The following TMPRSS15 variants were observed in gnomAD, a reference collection of about 807,000 sequenced individuals.
TMPRSS15 encodes transmembrane serine protease 15.
Under a neutral mutation model 125.3 loss-of-function variants are expected in TMPRSS15, and 128 were observed. The observed-to-expected ratio is 1.02, with a 90% CI of 0.89 to 1.18. TMPRSS15 has a LOEUF of 1.18. TMPRSS15 is among the 50% of genes most tolerant of loss of function. TMPRSS15 has a pLI of 0.00. For missense variants in TMPRSS15, 1,283 were observed against 1,212.7 expected (o/e 1.06, Z -0.86); for synonymous variants, 446 against 423.2 (o/e 1.05, Z -0.66).
intron 18 of TMPRSS15, among the ~76,000 whole-genome samples, chr21:18,299,470 A>G (rs762168857): frequency 4.6e-5 from 7 of 152,230 alleles, no homozygotes; most frequent in Non-Finnish European, 8.8e-5. Context: ...AAGGGATGCC[A>G]TTTCAAATTA....
chr21:18,384,387 A>C (rs1275305598), intron 3 of TMPRSS15, among the ~76,000 whole-genome samples: 1 of 152,170 alleles, frequency 6.6e-6, no homozygotes, highest in African/African-American at 2.4e-5. Flanking sequence ...CAAGAAATTC[A>C]ATCTCAGGTC....
At chr21:18,301,919 G>A (rs1185961070) in intron 18 of TMPRSS15, among the ~76,000 whole-genome samples, 16 of 152,162 alleles carry the variant, frequency 1.1e-4, no homozygotes, top group African/African-American at 1.4e-4. Flanking sequence ...CATAGATGGC[G>A]TATAAAAATA....
chr21:18,437,012 G>A (rs1322387135), intron 1 of TMPRSS15, among the ~76,000 whole-genome samples: 1,452 of 121,624 alleles, frequency 0.012, 7 homozygotes, highest in East Asian at 0.022. Context: ...AGCCCGCATC[G>A]CCAAGTCAAT....
At chr21:18,362,826 G>T (rs1466916343) in intron 7 of TMPRSS15, among the ~76,000 whole-genome samples, 1 of 152,022 alleles carries the variant, frequency 6.6e-6, no homozygotes, top group Non-Finnish European at 1.5e-5. Flanking sequence ...CAGAAATTTG[G>T]AGTCAAAGAG....
chr21:18,368,275 T>C (rs901811161), intron 6 of TMPRSS15, among the ~76,000 whole-genome samples: 1 of 152,116 alleles, frequency 6.6e-6, no homozygotes, highest in Non-Finnish European at 1.5e-5. Flanking sequence ...CAGAAAGCCA[T>C]GTTACGTCTC....
At chr21:18,373,170 A>C (rs1226109665) in intron 5 of TMPRSS15, among the ~76,000 whole-genome samples, 7 of 152,138 alleles carry the variant, frequency 4.6e-5, no homozygotes, top group African/African-American at 1.7e-4. Context: ...TTTTCAAAAT[A>C]TGAAAATCTG....
intron 21 of TMPRSS15, among the ~76,000 whole-genome samples, chr21:18,289,650 C>T (rs2074810320): frequency 6.6e-6 from 1 of 152,140 alleles, no homozygotes; most frequent in Non-Finnish European, 1.5e-5. Flanking sequence ...CAGGTAATCC[C>T]TGTGATGTCT....
chr21:18,406,950 A>C (rs1346211336), upstream of TMPRSS15, among the ~76,000 whole-genome samples: 1 of 152,228 alleles, frequency 6.6e-6, no homozygotes, highest in Non-Finnish European at 1.5e-5. Flanking sequence ...GTTATACACA[A>C]GTTTAAAGTA....
At chr21:18,439,158 C>T (rs1601463128) in intron 1 of TMPRSS15, among the ~76,000 whole-genome samples, 1 of 152,138 alleles carries the variant, frequency 6.6e-6, no homozygotes, top group Non-Finnish European at 1.5e-5. Context: ...TCTGTATTTG[C>T]TTTTACAAAC....
chr21:18,390,863 G>A (rs368541702), intron 3 of TMPRSS15, among the ~76,000 whole-genome samples: 1 of 152,312 alleles, frequency 6.6e-6, no homozygotes, highest in Non-Finnish European at 1.5e-5. Flanking sequence ...TTGGCTTACA[G>A]TTCCACATGG....
In TMPRSS15 at chr21:18,274,736, G is replaced by A. The variant is rs546483220; in HGVS notation, c.2904+461C>T. Among the ~76,000 whole-genome samples, 3 of 152,238 alleles carry A rather than the reference G, an allele frequency of 2.0e-5. No homozygotes were observed. In the East Asian group the frequency reaches 5.8e-4, roughly 29 times the overall value. Reference sequence around the variant, plus strand: ...GGTTTTCATCAAGAAATTACTTCAGGTTACTGCACGCCTGGATGATATTCT... The same window carrying A: ...GGTTTTCATCAAGAAATTACTTCAGATTACTGCACGCCTGGATGATATTCT... On this transcript the variant is annotated intron_variant, in intron 24 of 24. Coordinates refer to ENST00000284885, the MANE Select transcript of TMPRSS15 (RefSeq NM_002772.3).
intron 24 of TMPRSS15, among the ~76,000 whole-genome samples, chr21:18,274,311 A>T (rs1013965325): frequency 2.6e-5 from 4 of 152,200 alleles, no homozygotes; most frequent in Non-Finnish European, 4.4e-5. Context: ...AGGATCAAAC[A>T]AGAGTAGTCT....
intron 21 of TMPRSS15, among the ~76,000 whole-genome samples, chr21:18,288,787 C>T (rs564224464): frequency 3.2e-4 from 48 of 151,784 alleles, no homozygotes; most frequent in African/African-American, 1.1e-3. Flanking sequence ...AGGCCCGCCT[C>T]GGCCTCCCAA....
At chr21:18,419,674 G>C (rs1232301015) in intron 1 of TMPRSS15, among the ~76,000 whole-genome samples, 1 of 152,024 alleles carries the variant, frequency 6.6e-6, no homozygotes, top group Non-Finnish European at 1.5e-5. Context: ...CGTTTTATTT[G>C]ACTTTGACAC....
At chr21:18,337,632 C>T (rs911945612) in intron 13 of TMPRSS15, among the ~76,000 whole-genome samples, 2 of 152,144 alleles carry the variant, frequency 1.3e-5, no homozygotes, top group Non-Finnish European at 2.9e-5. Context: ...ACTTACATTT[C>T]CTCAGACTAG....
At position 18,333,689 on chromosome 21, in the gene TMPRSS15, C is replaced by T. The variant is rs1453664294; in HGVS notation, c.1565-1516G>A. ...TGCCCCGATCTGGTAGCCAACATTGCGCAGAAGCCAGGTTGAGACGGGTAA... is the reference window on the plus strand; with the variant it reads ...TGCCCCGATCTGGTAGCCAACATTGTGCAGAAGCCAGGTTGAGACGGGTAA... On this transcript the variant is annotated intron_variant, in intron 13 of 24. Coordinates refer to ENST00000284885, the MANE Select transcript of TMPRSS15 (RefSeq NM_002772.3). 5.3e-5 allele frequency among the ~76,000 whole-genome samples: 8 copies of T among 151,968 alleles called. 1 individual carries two copies. The highest frequency in any genetic ancestry group is 4.1e-4 in the South Asian group (2 of 4,828).
intron 24 of TMPRSS15, among the ~76,000 whole-genome samples, chr21:18,272,106 G>GTAT (rs2074564450): frequency 6.6e-6 from 1 of 152,146 alleles, no homozygotes; most frequent in Admixed American, 6.5e-5. Flanking sequence ...GGGTCAAATG[G>GTAT]TATTTCTGGT....
chr21:18,473,375 C>A (rs1227181431), intron 1 of TMPRSS15, among the ~76,000 whole-genome samples: 4 of 152,016 alleles, frequency 2.6e-5, no homozygotes, highest in Admixed American at 2.6e-4. Context: ...CAGGTTATAT[C>A]CATAACCATG....
intron 1 of TMPRSS15, among the ~76,000 whole-genome samples, chr21:18,399,600 A>G (rs995940685): frequency 8.5e-5 from 13 of 152,254 alleles, no homozygotes; most frequent in African/African-American, 2.6e-4. Flanking sequence ...GGTAAAGGGC[A>G]TTAGTGGAAA....
Sources: gnomAD v4.1 joint callset for allele counts (sites outside exome capture counted in the v4.1 genomes callset) on GRCh38, gnomAD v4.1.1 for gene constraint, MANE v1.5 for transcripts, NCBI Gene and HGNC (gene_info 2026-07-23, HGNC 2026-07-21) for gene names.